The following RBPMS variants were observed in gnomAD, a reference collection of about 807,000 sequenced individuals.
The protein encoded by RBPMS is RNA-binding protein with multiple splicing.
In RBPMS, 7 loss-of-function variants were observed where a neutral mutation model predicts 26.8. The ratio of observed to expected loss-of-function variants is 0.26; its 90% CI spans 0.15 to 0.49. RBPMS has a LOEUF of 0.49. Ranked by LOEUF, RBPMS falls within the 20% of genes least tolerant of loss-of-function variation. The pLI, the probability that RBPMS is intolerant of heterozygous loss-of-function variation, is 0.98. For missense variants in RBPMS, 186 were observed against 250.0 expected, an observed-to-expected ratio of 0.74 and a Z score of 1.73; for synonymous variants, 96 against 93.3, an observed-to-expected ratio of 1.03 and a Z score of -0.17.
At chr8:30,541,887 T>C (rs991117530) in intron 5 of RBPMS, among the ~76,000 whole-genome samples, 7 of 152,224 alleles carry the variant, frequency 4.6e-5, no homozygotes, top group African/African-American at 7.2e-5. Flanking sequence ...AAAAGCTTAT[T>C]CTGCTTTAAT....
intron 1 of RBPMS, among the ~76,000 whole-genome samples, chr8:30,465,353 G>A (rs1013164139): frequency 2.0e-5 from 3 of 152,138 alleles, no homozygotes; most frequent in Non-Finnish European, 4.4e-5. Flanking sequence ...TTAATAATGA[G>A]GTTAAGTGTT....
In RBPMS at chr8:30,432,132, GA is replaced by G. The variant is rs1371111194; in HGVS notation, c.67-42645del. On this transcript the variant is annotated intron_variant, in intron 1 of 8. Transcript: ENST00000397323. Reference sequence around the variant, plus strand: ...CAGAGTGAGACCCTGTCTCAAAAAAGAACCAAAAACAAATTTTATTTTGACA... The same window carrying G: ...CAGAGTGAGACCCTGTCTCAAAAAAGACCAAAAACAAATTTTATTTTGACA... Among the ~76,000 whole-genome samples the G allele has an allele frequency of 3.3e-5, 5 of 152,146 alleles. No homozygotes were observed. The East Asian group carries it at 9.7e-4, about 29-fold the overall frequency.
Position 30,550,946 on chromosome 8 carries a change from CT to C in RBPMS, c.528+6323del, listed in dbSNP as rs1374102084. Among the ~76,000 whole-genome samples, 3 of 152,240 alleles carry C rather than the reference CT, an allele frequency of 2.0e-5. No homozygotes were observed. In the East Asian group the frequency reaches 5.8e-4, roughly 29 times the overall value. ...TTATCTCACTTTCCTATCGGAGAAACTGGAGAAAGAATCACAGGTCACCCAG... is the reference window on the plus strand; with the variant it reads ...TTATCTCACTTTCCTATCGGAGAAACGGAGAAAGAATCACAGGTCACCCAG... On this transcript the variant is annotated intron_variant, in intron 6 of 8. Coordinates refer to ENST00000397323, the MANE Select transcript of RBPMS (RefSeq NM_001008710.3).
chr8:30,476,586 A>G (rs979626667), intron 2 of RBPMS, among the ~76,000 whole-genome samples: 1 of 152,172 alleles, frequency 6.6e-6, no homozygotes, highest in African/African-American at 2.4e-5. Context: ...GGATGAATCA[A>G]TCTCAACATC....
At chr8:30,502,652 G>C (rs1820683807) in intron 4 of RBPMS, among the ~76,000 whole-genome samples, 1 of 152,204 alleles carries the variant, frequency 6.6e-6, no homozygotes, top group Non-Finnish European at 1.5e-5. Context: ...CCCAGGGACT[G>C]TGCTTGCCTC....
chr8:30,420,238 A>AG (rs1029251899), intron 1 of RBPMS, among the ~76,000 whole-genome samples: 2 of 152,060 alleles, frequency 1.3e-5, no homozygotes, highest in African/African-American at 4.8e-5. Context: ...AAAAAAAAAA[A>AG]AAGAAAGAAA....
intron 5 of RBPMS, among the ~76,000 whole-genome samples, chr8:30,504,813 A>G (rs1820923962): frequency 6.6e-6 from 1 of 152,200 alleles, no homozygotes; most frequent in Non-Finnish European, 1.5e-5. Context: ...GAAGGACATC[A>G]GCTCGGTGGC....
intron 7 of RBPMS, among the ~76,000 whole-genome samples, chr8:30,563,336 G>A (rs1439744084): frequency 6.6e-6 from 1 of 152,208 alleles, no homozygotes; most frequent in Non-Finnish European, 1.5e-5. Context: ...ACAGAATCAC[G>A]ATTGAAAATT....
chr8:30,526,575 A>G (rs534183757), intron 5 of RBPMS, among the ~76,000 whole-genome samples: 2 of 152,336 alleles, frequency 1.3e-5, no homozygotes, highest in East Asian at 3.9e-4. Context: ...TGCTTCTTGA[A>G]GCACACACAG....
intron 1 of RBPMS, among the ~76,000 whole-genome samples, chr8:30,462,361 A>G (rs1274723938): frequency 6.6e-6 from 1 of 152,228 alleles, no homozygotes; most frequent in African/African-American, 2.4e-5. Context: ...ATATACTACA[A>G]TAAAAAGTGA....
chr8:30,544,823 G>A, intron 6 of RBPMS, 199 bp downstream of exon 6: 2 of 1,542,100 alleles, frequency 1.3e-6, no homozygotes, highest in Non-Finnish European at 1.7e-6. Flanking sequence ...ATCACCCACT[G>A]CCTGATGTTT....
chr8:30,489,858 T>C (rs909769720), intron 4 of RBPMS, among the ~76,000 whole-genome samples: 13 of 151,900 alleles, frequency 8.6e-5, no homozygotes, highest in Non-Finnish European at 1.5e-5. Context: ...TTACCCAGGC[T>C]GGAGTGCAGT....
intron 7 of RBPMS, chr8:30,564,536 T>G (rs144253555): frequency 6.6e-6 from 1 of 152,294 alleles, no homozygotes; most frequent in Non-Finnish European, 1.5e-5. Context: ...TCCTCCGGAC[T>G]GTGCCACATC....
At chr8:30,558,504 C>A in intron 6 of RBPMS, 1 of 335,288 alleles carries the variant, frequency 3.0e-6, no homozygotes, top group East Asian at 6.8e-5. Context: ...GCTATGTTTC[C>A]ACACTCTGCT....
chr8:30,416,925 A>AT (rs1459413612), intron 1 of RBPMS, among the ~76,000 whole-genome samples: 1 of 152,134 alleles, frequency 6.6e-6, no homozygotes, highest in African/African-American at 2.4e-5. Flanking sequence ...ATGCACCACT[A>AT]TGCCCAGCTA....
chr8:30,518,884 C>T (rs1405198646), intron 5 of RBPMS, among the ~76,000 whole-genome samples: 1 of 151,440 alleles, frequency 6.6e-6, no homozygotes, highest in Admixed American at 6.6e-5. Flanking sequence ...TTACACCTCA[C>T]ACCCTGAGCA....
Position 30,504,275 on chromosome 8 carries a change from T to G in RBPMS, c.247-11T>G, listed in dbSNP as rs762418860. On this transcript the variant is annotated splice_polypyrimidine_tract_variant and intron_variant, in intron 4 of 8. Transcript: ENST00000397323. ...ATGAAAACATCTTCCATTTGTTCTC[T>G]GTTTCCAAAGGGCATCCGCTTCGAT... is the stretch of plus-strand genomic sequence containing the variant. The G allele has an allele frequency of 1.5e-5, 25 of 1,613,984 alleles. No homozygotes were observed. In the East Asian group the frequency reaches 5.3e-4, roughly 35 times the overall value.
chr8:30,480,475 A>T (rs1818160333), intron 4 of RBPMS, among the ~76,000 whole-genome samples: 1 of 152,182 alleles, frequency 6.6e-6, no homozygotes, highest in African/African-American at 2.4e-5. Context: ...TGGAACAAAA[A>T]TGTGTACACT....
intron 4 of RBPMS, among the ~76,000 whole-genome samples, chr8:30,487,235 G>C (rs1163459384): frequency 2.1e-5 from 3 of 141,856 alleles, no homozygotes; most frequent in African/African-American, 7.4e-5. Context: ...TGTCTTCTTT[G>C]TTCTCTTTTA....
Sources: allele counts gnomAD v4.1 joint callset (sites outside exome capture counted in the v4.1 genomes callset), GRCh38; gene constraint gnomAD v4.1.1; transcripts MANE v1.5; gene names NCBI Gene and HGNC (gene_info 2026-07-23, HGNC 2026-07-21).